MED13L: variants seen among roughly 807,000 people sequenced by gnomAD.
MED13L encodes the protein mediator complex subunit 13L, also known as mediator of RNA polymerase II transcription subunit 13-like.
In MED13L, 7 loss-of-function variants were observed where a neutral mutation model predicts 220.9. The observed-to-expected ratio is 0.03, with a 90% CI of 0.02 to 0.06. The LOEUF (loss-of-function observed/expected upper bound fraction) is 0.06. Ranked by LOEUF, MED13L falls within the 10% of genes least tolerant of loss-of-function variation. The pLI is 1.00. For synonymous variants in MED13L, 1,011 were observed against 1,015.2 expected (o/e 1.00, Z 0.08); for missense variants, 1,965 against 2,760.5 (o/e 0.71, Z 6.46).
chr12:116,250,316 G>T (rs1871422637), intron 1 of MED13L, among the ~76,000 whole-genome samples: 1 of 150,724 alleles, frequency 6.6e-6, no homozygotes, highest in South Asian at 2.1e-4. Flanking sequence ...TAGATGAACA[G>T]AAGCCAACAG....
intron 8 of MED13L, among the ~76,000 whole-genome samples, chr12:116,013,694 GT>G (rs1566010672): frequency 6.6e-6 from 1 of 152,192 alleles, no homozygotes; most frequent in African/African-American, 2.4e-5. Context: ...CTGATAATTG[GT>G]AGCGAAAAGC....
In MED13L at chr12:116,102,124, A is replaced by G. The variant is rs146722316; in HGVS notation, c.396-5372T>C. Among the ~76,000 whole-genome samples the G allele has an allele frequency of 7.5e-4, 115 of 152,378 alleles. 1 individual carries two copies. Among genetic ancestry groups the G allele is most frequent in the African/African-American group, 2.6e-3 (110 of 41,590 alleles). Reference sequence around the variant, plus strand: ...GTTTCAAAAAGAAAACAGCTGCTGAAAAATGAAAATGAAATCAGGCTGTGT... The same window carrying G: ...GTTTCAAAAAGAAAACAGCTGCTGAGAAATGAAAATGAAATCAGGCTGTGT... On this transcript the variant is annotated intron_variant, in intron 3 of 30. Coordinates refer to ENST00000281928, the MANE Select transcript of MED13L (RefSeq NM_015335.5).
intron 28 of MED13L, among the ~76,000 whole-genome samples, chr12:115,967,422 C>T (rs1304444129): frequency 2.0e-5 from 3 of 152,102 alleles, no homozygotes; most frequent in African/African-American, 7.2e-5. Flanking sequence ...AAAAAGGCCA[C>T]CTGGCTAGCT....
intron 3 of MED13L, among the ~76,000 whole-genome samples, chr12:116,105,968 A>G (rs1276459296): frequency 6.6e-6 from 1 of 152,196 alleles, no homozygotes; most frequent in African/African-American, 2.4e-5. Context: ...ATGAGCGACC[A>G]TGTGCTCTGC....
chr12:116,238,661 T>C (rs888134264), intron 1 of MED13L, among the ~76,000 whole-genome samples: 2 of 152,210 alleles, frequency 1.3e-5, no homozygotes, highest in African/African-American at 4.8e-5. Flanking sequence ...TTTGCAAAAA[T>C]AACATGTACC....
intron 4 of MED13L, among the ~76,000 whole-genome samples, chr12:116,056,285 G>T (rs1032895365): frequency 1.1e-4 from 16 of 149,136 alleles, no homozygotes; most frequent in South Asian, 1.1e-3. Context: ...TTTTTTGTTT[G>T]TTTTTTTTTT....
Position 116,134,944 on chromosome 12 carries a change from C to T in MED13L, c.311-23432G>A, listed in dbSNP as rs538330614. ...CAGCACTTTGGGAGACTGAGGCAGG[C>T]GGATCACGAGGTCAGGAGATGGAGA... On this transcript the variant is annotated intron_variant, in intron 2 of 30. Coordinates refer to ENST00000281928, the MANE Select transcript of MED13L (RefSeq NM_015335.5). Among the ~76,000 whole-genome samples, 6 of 152,174 alleles carry T rather than the reference C, an allele frequency of 3.9e-5. No homozygotes were observed. In the South Asian group the frequency reaches 1.2e-3, roughly 32 times the overall value.
chr12:116,015,413 A>G (rs1879668067), intron 7 of MED13L, 139 bp from the exon 8 acceptor site: 1 of 861,558 alleles, frequency 1.2e-6, no homozygotes. Context: ...CCCTGGCAAT[A>G]ACACTATCTA....
chr12:115,996,989 T>C, intron 15 of MED13L, 21 bp downstream of exon 15: 1 of 1,598,492 alleles, frequency 6.3e-7, no homozygotes. Context: ...GCCCTGGAAA[T>C]GTTAATATAT....
chr12:116,261,227 G>T (rs1029844404), intron 1 of MED13L, among the ~76,000 whole-genome samples: 1 of 152,066 alleles, frequency 6.6e-6, no homozygotes, highest in Admixed American at 6.6e-5. Flanking sequence ...TGGGCATGGT[G>T]GCTCATGCCT....
rs185157082 is a variant in MED13L, at chr12:116,207,577, G to A, written c.310+29891C>T. On this transcript the variant is annotated intron_variant, in intron 2 of 30. Coordinates refer to ENST00000281928, the MANE Select transcript of MED13L (RefSeq NM_015335.5). ...AAGAGTTAGCATTTCTAGTAATATTGATGGCAGTGTTGTTATTCTAAGAGT... is the reference window on the plus strand; with the variant it reads ...AAGAGTTAGCATTTCTAGTAATATTAATGGCAGTGTTGTTATTCTAAGAGT... 2.0e-5 allele frequency among the ~76,000 whole-genome samples: 3 copies of A among 152,262 alleles called. No individual in the cohort carries two copies. The East Asian group carries it at 5.8e-4, about 29-fold the overall frequency.
In MED13L at chr12:115,991,578, T is replaced by C. The variant is rs1232676878; in HGVS notation, c.3376A>G (p.Arg1126Gly). Residue 1126 changes from arginine to glycine, a missense_variant, in exon 17 of 31, where the codon AGA (arginine) becomes GGA (glycine). By Grantham distance (125) the Arg-to-Gly change is moderately radical. This residue lies in a region of MED13L where 18 missense variants were observed against 72.4 expected (regional missense o/e 0.25). Transcript: ENST00000281928. This position sits in a 1 kb window ranked among gnomAD's most constrained non-coding sequence, Gnocchi z 7.7. Reference protein sequence around the residue: ...SDSVMNIFKDRNFDSCCICAC... With the variant: ...SDSVMNIFKDGNFDSCCICAC... Reference sequence around the variant, plus strand: ...CAGATGCAACAGCTGTCAAAGTTTCTGTCTTTAAAGATATTCATCACGGAA... The same window carrying C: ...CAGATGCAACAGCTGTCAAAGTTTCCGTCTTTAAAGATATTCATCACGGAA... The C allele has an allele frequency of 6.2e-7, 1 of 1,614,058 alleles. No individual in the cohort carries two copies. The highest frequency in any genetic ancestry group is 2.2e-5 in the East Asian group (1 of 44,894).
intron 1 of MED13L, among the ~76,000 whole-genome samples, chr12:116,274,133 A>G (rs574432976): frequency 6.6e-6 from 1 of 152,304 alleles, no homozygotes; most frequent in Non-Finnish European, 1.5e-5. Context: ...ATATATACAC[A>G]ATGGCATTTT....
intron 13 of MED13L, among the ~76,000 whole-genome samples, chr12:116,004,810 C>A (rs1878951557): frequency 6.6e-6 from 1 of 152,108 alleles, no homozygotes; most frequent in South Asian, 2.1e-4. Flanking sequence ...TATATAATAT[C>A]TGTTAGATAC....
Position 116,022,436 on chromosome 12 carries a change from G to T in MED13L, c.625+20C>A, listed in dbSNP as rs1487000612. On this transcript the variant is annotated intron_variant, in intron 5 of 30. Coordinates refer to ENST00000281928, the MANE Select transcript of MED13L (RefSeq NM_015335.5). ...ACTCGGTGGCGGATAGGGGTGGAGA[G>T]CAGGAACACCCATACTTACCTTGAA... 1.2e-6 allele frequency: 2 copies of T among 1,613,238 alleles called. No individual in the cohort carries two copies. Among genetic ancestry groups the T allele is most frequent in the Non-Finnish European group, 1.7e-6 (2 of 1,179,550 alleles).
chr12:116,113,060 C>T (rs948258942), intron 2 of MED13L, among the ~76,000 whole-genome samples: 1 of 152,190 alleles, frequency 6.6e-6, no homozygotes, highest in African/African-American at 2.4e-5. Flanking sequence ...CTAGTCATCA[C>T]ATTCCATTAT....
chr12:116,095,671 A>T (rs1316927280), intron 4 of MED13L, among the ~76,000 whole-genome samples: 1 of 152,250 alleles, frequency 6.6e-6, no homozygotes, highest in Non-Finnish European at 1.5e-5. Context: ...TACCTGGGAC[A>T]CTTAGGGCAA....
chr12:116,085,477 T>C (rs1190573924), intron 4 of MED13L, among the ~76,000 whole-genome samples: 1 of 152,170 alleles, frequency 6.6e-6, no homozygotes, highest in Admixed American at 6.5e-5. Flanking sequence ...CAATTTTTGT[T>C]TTATGTTAGA....
chr12:115,999,453 T>C (rs1253270225), intron 14 of MED13L, among the ~76,000 whole-genome samples: 2 of 152,038 alleles, frequency 1.3e-5, no homozygotes, highest in African/African-American at 4.8e-5. Context: ...TTAGTCCCTA[T>C]TCCTCCTCTC....
Sources: allele counts gnomAD v4.1 joint callset (sites outside exome capture counted in the v4.1 genomes callset), GRCh38; gene constraint gnomAD v4.1.1; regional missense constraint gnomAD v4.1.1; non-coding constraint Gnocchi (gnomAD v3.1); transcripts MANE v1.5; gene names NCBI Gene and HGNC (gene_info 2026-07-23, HGNC 2026-07-21).